Variants in ANK2 observed in about 807,000 individuals in gnomAD.
ANK2 encodes ankyrin 2, also known as ankyrin-2.
ANK2 carries 83 observed loss-of-function variants against 360.5 expected under a neutral mutation model. The ratio of observed to expected loss-of-function variants is 0.23; its 90% confidence interval spans 0.19 to 0.28. The LOEUF (loss-of-function observed/expected upper bound fraction) is 0.28, where lower values mean the gene tolerates loss of function less well. Ranked by LOEUF, ANK2 falls within the 10% of genes least tolerant of loss-of-function variation. The probability of loss-of-function intolerance (pLI) is 1.00; values close to 1 mark genes in which losing one functional copy is unlikely to be tolerated. For synonymous variants in ANK2, 1,740 were observed against 1,759.5 expected, an observed-to-expected ratio of 0.99 and a Z score of 0.28; for missense variants, 4,201 against 4,795.7, an observed-to-expected ratio of 0.88 and a Z score of 3.66.
intron 1 of ANK2, among the ~76,000 whole-genome samples, chr4:112,822,250 A>AC (rs1418093164): frequency 1.3e-5 from 2 of 149,278 alleles, no homozygotes; most frequent in African/African-American, 5.0e-5. Flanking sequence ...AAAAAAAAAA[A>AC]AAAAAAAAAA....
intron 2 of ANK2, among the ~76,000 whole-genome samples, chr4:112,938,436 T>C (rs2093937206): frequency 6.6e-6 from 1 of 152,212 alleles, no homozygotes; most frequent in Admixed American, 6.5e-5. Flanking sequence ...TGGGGTATGA[T>C]TAAGATCATG....
chr4:112,765,659 C>CT, the ANK2 span, among the ~76,000 whole-genome samples: 41,172 of 134,172 alleles, frequency 0.31, 6,530 homozygotes, highest in East Asian at 0.41. Flanking sequence ...CCCTCCCCCG[C>CT]TTTTTTTTTT....
chr4:112,962,736 G>A (rs1561307448), intron 2 of ANK2, among the ~76,000 whole-genome samples: 2 of 152,248 alleles, frequency 1.3e-5, no homozygotes, highest in East Asian at 3.9e-4. Flanking sequence ...TAATAAGTCA[G>A]AAGCTATAGG....
At chr4:113,034,532 A>G (rs2061149911) in intron 2 of ANK2, 1 of 151,736 alleles carries the variant, frequency 6.6e-6, no homozygotes, top group Admixed American at 6.6e-5. Flanking sequence ...GTACCTTTTT[A>G]TGCATGTCCT....
At chr4:112,822,744 C>CA (rs34963478) in intron 1 of ANK2, among the ~76,000 whole-genome samples, 42,316 of 137,290 alleles carry the variant, frequency 0.31, 6,108 homozygotes, top group East Asian at 0.37. Flanking sequence ...AACCCTGTCT[C>CA]AAAAAAAAAA....
At position 112,993,712 on chromosome 4, in the gene ANK2, ATT is replaced by A. The variant is rs34394811; in HGVS notation, c.21+89209_21+89210del. On this transcript the variant is annotated intron_variant, in intron 2 of 30. Coordinates refer to the ANK2 transcript ENST00000503271. The stretch of plus-strand genomic sequence containing the variant: ...AAGCTTACATTCTATTGGCAACTGC[ATT>A]TTTTTTTTTTGACACAGGGACTCAC... 5.6e-4 allele frequency among the ~76,000 whole-genome samples: 84 copies of A among 148,772 alleles called. 1 individual carries two copies. The highest frequency in any genetic ancestry group is 3.5e-3 in the Middle Eastern group (1 of 286).
intron 2 of ANK2, among the ~76,000 whole-genome samples, chr4:112,966,693 TA>T (rs1376133419): frequency 1.3e-5 from 2 of 152,174 alleles, no homozygotes; most frequent in African/African-American, 2.4e-5. Flanking sequence ...ATCACAACCA[TA>T]ATCATATGTA....
intron 1 of ANK2, among the ~76,000 whole-genome samples, chr4:113,081,768 A>T (rs1675606358): frequency 6.6e-6 from 1 of 152,060 alleles, no homozygotes; most frequent in Non-Finnish European, 1.5e-5. Flanking sequence ...TATTTTAAGT[A>T]CTCAATAAAT....
intron 1 of ANK2, among the ~76,000 whole-genome samples, chr4:112,847,227 G>A (rs2063519867): frequency 6.6e-6 from 1 of 152,092 alleles, no homozygotes; most frequent in South Asian, 2.1e-4. Context: ...TGTGTGTCCT[G>A]TGGATACTGC....
At chr4:113,292,649 T>G in intron 21 of ANK2, 135 bp downstream of exon 21, 1 of 1,017,990 alleles carries the variant, frequency 9.8e-7, no homozygotes, top group Non-Finnish European at 1.5e-6. Context: ...AAGCCCCAGA[T>G]TTTTGGGCAG....
chr4:112,840,631 C>A (rs75751684), intron 1 of ANK2, among the ~76,000 whole-genome samples: 4 of 152,172 alleles, frequency 2.6e-5, no homozygotes, highest in Non-Finnish European at 4.4e-5. Flanking sequence ...CATTTAGGGA[C>A]GGAAAAATGC....
At chr4:112,911,944 G>A (rs1204770248) in intron 2 of ANK2, among the ~76,000 whole-genome samples, 2 of 152,168 alleles carry the variant, frequency 1.3e-5, no homozygotes, top group Admixed American at 1.3e-4. Flanking sequence ...TTGGGAGGCT[G>A]AGGCAGGTGG....
chr4:113,104,956 T>C (rs1473344074), intron 1 of ANK2, among the ~76,000 whole-genome samples: 1 of 151,972 alleles, frequency 6.6e-6, no homozygotes, highest in Non-Finnish European at 1.5e-5. Flanking sequence ...AGGATGTAAC[T>C]CAATTCAGCA....
Position 113,335,935 on chromosome 4 carries a change from A to G in ANK2, c.3469A>G (p.Ile1157Val), listed in dbSNP as rs2093469305. ...FPQYFAVVSR[I>V]KQDSNLIGPE... is the part of the protein sequence containing the mutation. ...ACAGTACTTTGCAGTGGTGTCTCGT[A>G]TCAAACAGGACAGCAATCTGATTGG... Residue 1157 changes from isoleucine to valine, a missense_variant, in exon 30 of 46, where the codon ATC becomes GTC. This residue lies in a region of ANK2 where 1,268 missense variants were observed against 1,650.8 expected (regional missense o/e 0.77). Coordinates refer to ENST00000357077, the MANE Select transcript of ANK2 (RefSeq NM_001148.6). The G allele has an allele frequency of 1.9e-6, 3 of 1,614,164 alleles. No individual in the cohort carries two copies. Among genetic ancestry groups the G allele is most frequent in the Non-Finnish European group, 2.5e-6 (3 of 1,180,016 alleles).
At chr4:113,095,262 T>C (rs992238117) in intron 1 of ANK2, among the ~76,000 whole-genome samples, 1 of 152,216 alleles carries the variant, frequency 6.6e-6, no homozygotes, top group Non-Finnish European at 1.5e-5. Context: ...GAGACTTTTT[T>C]AGGCTGCATT....
At chr4:113,066,461 C>T (rs940639797) in intron 1 of ANK2, among the ~76,000 whole-genome samples, 2 of 152,178 alleles carry the variant, frequency 1.3e-5, no homozygotes, top group African/African-American at 4.8e-5. Flanking sequence ...ATTCCTTGGT[C>T]TCAAGAAGTT....
intron 2 of ANK2, among the ~76,000 whole-genome samples, chr4:113,032,598 G>A (rs2060650205): frequency 6.6e-6 from 1 of 152,052 alleles, no homozygotes; most frequent in Non-Finnish European, 1.5e-5. Flanking sequence ...CAATGAGTAA[G>A]TCTGTAACAT....
intron 2 of ANK2, among the ~76,000 whole-genome samples, chr4:112,992,685 G>A (rs1027595825): frequency 2.0e-5 from 3 of 152,102 alleles, no homozygotes; most frequent in Admixed American, 6.6e-5. Flanking sequence ...TTGGTGTCTC[G>A]TCTTGTAAGG....
At chr4:113,134,198 C>G (rs1160241901) in intron 1 of ANK2, among the ~76,000 whole-genome samples, 1 of 151,470 alleles carries the variant, frequency 6.6e-6, no homozygotes, top group Non-Finnish European at 1.5e-5. Flanking sequence ...TAGGTTCTGG[C>G]CCAAAGTATC....
Sources: allele counts gnomAD v4.1 joint callset (sites outside exome capture counted in the v4.1 genomes callset), GRCh38; gene constraint gnomAD v4.1.1; regional missense constraint gnomAD v4.1.1; transcripts MANE v1.5; gene names NCBI Gene and HGNC (gene_info 2026-07-23, HGNC 2026-07-21).